SRP54: variants seen among roughly 807,000 people sequenced by gnomAD.
SRP54 encodes signal recognition particle 54.
SRP54 carries 10 observed loss-of-function variants against 64.8 expected under a neutral mutation model. That is an observed-to-expected ratio of 0.15 (90% CI 0.10 to 0.26). The LOEUF (loss-of-function observed/expected upper bound fraction) is 0.26. Ranked by LOEUF, SRP54 falls within the 10% of genes least tolerant of loss-of-function variation. SRP54 has a pLI of 1.00. For missense variants in SRP54, 325 were observed against 613.7 expected (o/e 0.53, Z 4.97); for synonymous variants, 193 against 185.6 (o/e 1.04, Z -0.32).
At chr14:34,996,651 C>A in intron 1 of SRP54, 26 bp from the exon 2 acceptor site, 1 of 1,149,426 alleles carries the variant, frequency 8.7e-7, no homozygotes, top group Non-Finnish European at 1.3e-6. Context: ...ATTGATTATT[C>A]TCACTTAATT....
intron 14 of SRP54, among the ~76,000 whole-genome samples, chr14:35,026,601 G>A (rs1269271557): frequency 6.6e-6 from 1 of 152,114 alleles, no homozygotes; most frequent in African/African-American, 2.4e-5. Context: ...TCCTTGACAA[G>A]TGAAGTTGCA....
chr14:34,997,860 G>T (rs1282347378), intron 2 of SRP54, among the ~76,000 whole-genome samples: 1 of 151,946 alleles, frequency 6.6e-6, no homozygotes, highest in Non-Finnish European at 1.5e-5. Context: ...TCATTGTTTG[G>T]TCTTGTAATT....
intron 14 of SRP54, among the ~76,000 whole-genome samples, chr14:35,027,190 C>G (rs547333374): frequency 7.9e-5 from 12 of 151,924 alleles, no homozygotes; most frequent in Non-Finnish European, 1.6e-4. Context: ...CCATGTCTGA[C>G]TAATTTATTT....
chr14:35,022,517 C>G (rs1280460396), intron 13 of SRP54, among the ~76,000 whole-genome samples: 1 of 152,006 alleles, frequency 6.6e-6, no homozygotes, highest in Non-Finnish European at 1.5e-5. Context: ...CCACCATGCC[C>G]AGCTAATTTT....
At chr14:34,988,868 A>G (rs960503491) in intron 1 of SRP54, among the ~76,000 whole-genome samples, 2 of 151,964 alleles carry the variant, frequency 1.3e-5, no homozygotes, top group Non-Finnish European at 2.9e-5. Flanking sequence ...AAAATGGTGT[A>G]GTATTTGCAT....
intron 5 of SRP54, 34 bp downstream of exon 5, chr14:35,007,421 G>A: frequency 7.1e-7 from 1 of 1,416,000 alleles, no homozygotes; most frequent in Non-Finnish European, 9.7e-7. Context: ...GAAGTCATAT[G>A]GAAGATAGGT....
intron 4 of SRP54, among the ~76,000 whole-genome samples, chr14:35,006,375 T>A (rs2044258266): frequency 6.6e-6 from 1 of 152,170 alleles, no homozygotes. Context: ...CACTCTCGAG[T>A]ATGGCATCCA....
At chr14:34,998,829 A>G (rs1290861300) in intron 2 of SRP54, among the ~76,000 whole-genome samples, 4 of 151,832 alleles carry the variant, frequency 2.6e-5, no homozygotes, top group African/African-American at 9.7e-5. Flanking sequence ...TCCAAAAAAA[A>G]AAAAGAAAAG....
intron 14 of SRP54, among the ~76,000 whole-genome samples, chr14:35,026,813 C>T (rs2044634278): frequency 6.6e-6 from 1 of 151,898 alleles, no homozygotes; most frequent in Admixed American, 6.6e-5. Flanking sequence ...TGTGGTGGCT[C>T]ATGCCTGTAA....
rs373164193 is a variant in SRP54, at chr14:34,989,987, G to T, written c.-33-6690G>T. Among the ~76,000 whole-genome samples, 39 of 152,232 alleles carry T rather than the reference G, an allele frequency of 2.6e-4. No homozygotes were observed. The East Asian group carries it at 6.0e-3, about 23-fold the overall frequency. ...CACAGCCAGTATGTAACAGAGCTAGGATTTGAATCTAAGTCTGTCAGACTC... is the reference window on the plus strand; with the variant it reads ...CACAGCCAGTATGTAACAGAGCTAGTATTTGAATCTAAGTCTGTCAGACTC... On this transcript the variant is annotated intron_variant, in intron 1 of 15. Coordinates refer to ENST00000216774, the MANE Select transcript of SRP54 (RefSeq NM_003136.4).
chr14:35,003,849 G>A (rs371725330), intron 4 of SRP54, among the ~76,000 whole-genome samples: 10 of 151,850 alleles, frequency 6.6e-5, no homozygotes, highest in African/African-American at 1.2e-4. Flanking sequence ...TGGGAGAATC[G>A]CTTGAATCCG....
At chr14:34,986,581 T>C (rs1281557543) in intron 1 of SRP54, among the ~76,000 whole-genome samples, 1 of 152,140 alleles carries the variant, frequency 6.6e-6, no homozygotes, top group Non-Finnish European at 1.5e-5. Context: ...TAGAAAAAGA[T>C]ATAAGAAAAT....
rs201130276 is a variant in SRP54, at chr14:35,020,189, G to T, written c.1156+1115G>T. Among the ~76,000 whole-genome samples the T allele has an allele frequency of 6.6e-3, 1,001 of 151,590 alleles. 14 individuals are homozygous for T. The highest frequency in any genetic ancestry group is 0.023 in the African/African-American group (968 of 41,288). On this transcript the variant is annotated intron_variant, in intron 13 of 15. Transcript: ENST00000216774. Reference sequence around the variant, plus strand: ...GACAGAGTGAGACTCTGTCTCAAAAGAAAAAAATAAAAAAATATAGTTTAT... The same window carrying T: ...GACAGAGTGAGACTCTGTCTCAAAATAAAAAAATAAAAAAATATAGTTTAT...
intron 4 of SRP54, among the ~76,000 whole-genome samples, chr14:35,005,537 A>G (rs2044242978): frequency 6.6e-6 from 1 of 152,032 alleles, no homozygotes; most frequent in Admixed American, 6.6e-5. Flanking sequence ...AGCTGGGACC[A>G]CAGGTGCGTG....
chr14:35,005,972 T>C (rs1433745298), intron 4 of SRP54, among the ~76,000 whole-genome samples: 1 of 152,126 alleles, frequency 6.6e-6, no homozygotes, highest in East Asian at 1.9e-4. Flanking sequence ...TCAGAGTAGC[T>C]GGGACTACAG....
chr14:35,008,279 T>C (rs777662171), intron 5 of SRP54, among the ~76,000 whole-genome samples: 22 of 152,216 alleles, frequency 1.4e-4, no homozygotes, highest in African/African-American at 4.1e-4. Flanking sequence ...ACAAGATTTT[T>C]CCACAAGCTT....
intron 4 of SRP54, among the ~76,000 whole-genome samples, chr14:35,001,403 G>A (rs572118243): frequency 1.5e-3 from 221 of 152,064 alleles, no homozygotes; most frequent in African/African-American, 5.2e-3. Context: ...CGCCCGCTTC[G>A]GCCTCCCAAA....
chr14:35,029,200 G>A lies in SRP54; in HGVS notation c.*48G>A, dbSNP rs944848821. 6.7e-7 allele frequency: 1 copy of A among 1,494,310 alleles called. No homozygotes were observed. Among genetic ancestry groups the A allele is most frequent in the Non-Finnish European group, 9.2e-7 (1 of 1,081,308 alleles). 92.6% of individuals were successfully genotyped at this position (1,494,310 alleles called of 1,614,324 possible). A position where few individuals can be genotyped will look rare whatever the true frequency, so the allele number is the denominator to read the frequency against. On this transcript the variant is annotated 3_prime_UTR_variant, in exon 16 of 16. Transcript: ENST00000216774. ...GACTCAGTTGAATACCTAATTTGCTGAGACCTCAGCGTTTCCCTTCTTTTT... is the reference window on the plus strand; with the variant it reads ...GACTCAGTTGAATACCTAATTTGCTAAGACCTCAGCGTTTCCCTTCTTTTT...
At chr14:35,022,022 G>C (rs1019517478) in intron 13 of SRP54, among the ~76,000 whole-genome samples, 5 of 152,114 alleles carry the variant, frequency 3.3e-5, no homozygotes, top group Admixed American at 6.5e-5. Context: ...TAAAATACTA[G>C]TAGTAGTAAT....
Sources: allele counts gnomAD v4.1 joint callset (sites outside exome capture counted in the v4.1 genomes callset), GRCh38; gene constraint gnomAD v4.1.1; transcripts MANE v1.5; gene names NCBI Gene and HGNC (gene_info 2026-07-23, HGNC 2026-07-21).